The following GABRB3 variants were observed in gnomAD, a reference collection of about 807,000 sequenced individuals.
The protein encoded by GABRB3 is gamma-aminobutyric acid type A receptor subunit beta3.
A neutral mutation model predicts 52.1 loss-of-function variants in GABRB3; 14 were observed. The observed-to-expected ratio is 0.27, with a 90% confidence interval of 0.18 to 0.42. The LOEUF (loss-of-function observed/expected upper bound fraction) is 0.42. Ranked by LOEUF, GABRB3 falls within the 10% of genes least tolerant of loss-of-function variation. GABRB3 has a pLI of 1.00. For synonymous variants in GABRB3, 260 were observed against 232.3 expected, an observed-to-expected ratio of 1.12 and a Z score of -1.08; for missense variants, 307 against 609.1, an observed-to-expected ratio of 0.50 and a Z score of 5.22.
intron 3 of GABRB3, among the ~76,000 whole-genome samples, chr15:26,728,033 CTG>C (rs1411053385): frequency 6.6e-6 from 1 of 152,178 alleles, no homozygotes; most frequent in African/African-American, 2.4e-5. Context: ...GGTCAAAAGA[CTG>C]TTTTTCAAAG....
chr15:26,563,322 G>A (rs1890055083), intron 7 of GABRB3, among the ~76,000 whole-genome samples: 1 of 152,214 alleles, frequency 6.6e-6, no homozygotes, highest in East Asian at 1.9e-4. Flanking sequence ...ATTGGCACAG[G>A]CTCAGGAATC....
intron 7 of GABRB3, among the ~76,000 whole-genome samples, chr15:26,561,869 GT>G (rs1890001468): frequency 6.6e-6 from 1 of 152,200 alleles, no homozygotes; most frequent in African/African-American, 2.4e-5. Context: ...CTTAGGAAAT[GT>G]TTGCTCAAGT....
At chr15:26,711,994 AG>A (rs940261150) in intron 3 of GABRB3, among the ~76,000 whole-genome samples, 1 of 152,200 alleles carries the variant, frequency 6.6e-6, no homozygotes, top group Admixed American at 6.5e-5. Context: ...GCAGATCACG[AG>A]CAGAGCAGGC....
At chr15:26,734,881 A>C (rs1595558326) in intron 3 of GABRB3, among the ~76,000 whole-genome samples, 1 of 152,138 alleles carries the variant, frequency 6.6e-6, no homozygotes, top group Non-Finnish European at 1.5e-5. Context: ...GTGCCACTGC[A>C]CTCCAGCCTG....
chr15:26,580,243 C>T, intron 6 of GABRB3, 76 bp downstream of exon 6: 16 of 1,556,282 alleles, frequency 1.0e-5, no homozygotes, highest in Non-Finnish European at 1.3e-5. Context: ...GAGTCTATGG[C>T]AGCACATTTT....
intron 8 of GABRB3, among the ~76,000 whole-genome samples, chr15:26,551,908 G>A (rs978886659): frequency 6.6e-6 from 1 of 152,158 alleles, no homozygotes. Context: ...GGGGAGGTGA[G>A]GAGGGCATTT....
intron 3 of GABRB3, chr15:26,642,648 T>C: frequency 6.2e-6 from 3 of 481,538 alleles, no homozygotes; most frequent in Non-Finnish European, 1.2e-5. Flanking sequence ...TAAGCATATA[T>C]GTAAGTGTAC....
intron 3 of GABRB3, chr15:26,625,099 CGGGATAGTGGAACTTGAA>C (rs1197387991): frequency 2.0e-5 from 7 of 354,186 alleles, no homozygotes; most frequent in African/African-American, 1.5e-4. Context: ...ACTAGTAACC[CGGGATAGTGGAACTTGAA>C]GTTCGGGCCA....
rs543365862 is a variant in GABRB3, at chr15:26,738,181, C to A, written c.240+34221G>T. ...CACTGCAACCTCCACCTCCCCAGTT[C>A]CAGCAATTCTCCTGCCTCAGCCTCC... is the stretch of plus-strand genomic sequence containing the variant. On this transcript the variant is annotated intron_variant, in intron 3 of 8. Coordinates refer to ENST00000311550, the MANE Select transcript of GABRB3 (RefSeq NM_000814.6). 3.9e-5 allele frequency among the ~76,000 whole-genome samples: 6 copies of A among 152,264 alleles called. No individual in the cohort carries two copies. In the South Asian group the frequency reaches 1.2e-3, roughly 32 times the overall value.
At chr15:26,625,064 A>G (rs901772434) in intron 3 of GABRB3, 4 of 633,818 alleles carry the variant, frequency 6.3e-6, no homozygotes, top group Non-Finnish European at 7.9e-6. Context: ...CTCGCTCCTC[A>G]TCCACTCCCT....
intron 3 of GABRB3, among the ~76,000 whole-genome samples, chr15:26,733,873 T>C (rs935770350): frequency 3.9e-5 from 6 of 152,250 alleles, no homozygotes; most frequent in South Asian, 2.1e-4. Flanking sequence ...GACTGTTCAA[T>C]AGGGAAAGGA....
At chr15:26,590,590 G>A (rs1057501699) in intron 4 of GABRB3, among the ~76,000 whole-genome samples, 2 of 152,192 alleles carry the variant, frequency 1.3e-5, no homozygotes, top group Middle Eastern at 3.2e-3. Context: ...GCAAATGCTT[G>A]TTATTCAATG....
intron 4 of GABRB3, among the ~76,000 whole-genome samples, chr15:26,602,004 C>T (rs577147641): frequency 6.6e-6 from 1 of 152,100 alleles, no homozygotes; most frequent in East Asian, 1.9e-4. Flanking sequence ...TGATCTATTG[C>T]CTGCAAGAAA....
chr15:26,688,358 T>G (rs1203794232), intron 3 of GABRB3, among the ~76,000 whole-genome samples: 3 of 152,132 alleles, frequency 2.0e-5, no homozygotes, highest in African/African-American at 7.2e-5. Context: ...AGCCAGCCCT[T>G]CCCACTCTAA....
intron 4 of GABRB3, among the ~76,000 whole-genome samples, chr15:26,600,897 A>G (rs976973047): frequency 6.6e-6 from 1 of 152,216 alleles, no homozygotes; most frequent in Non-Finnish European, 1.5e-5. Flanking sequence ...TAACAAAACT[A>G]TTAACAACAA....
chr15:26,572,051 A>G (rs778819861), intron 6 of GABRB3, among the ~76,000 whole-genome samples: 6,185 of 148,220 alleles, frequency 0.042, 262 homozygotes, highest in African/African-American at 0.15. Context: ...TCTCAAGAAA[A>G]AAAAAAAAAA....
chr15:26,633,162 A>C (rs1892954885), intron 3 of GABRB3, among the ~76,000 whole-genome samples: 1 of 152,168 alleles, frequency 6.6e-6, no homozygotes, highest in Non-Finnish European at 1.5e-5. Flanking sequence ...TCAATATCCA[A>C]ATGCAATACA....
intron 3 of GABRB3, among the ~76,000 whole-genome samples, chr15:26,626,466 T>C (rs112320471): frequency 0.011 from 1,686 of 152,286 alleles, 29 homozygotes; most frequent in African/African-American, 0.038. Context: ...GGTCAAATGA[T>C]TGATGTGCAA....
chr15:26,763,796 G>C (rs960851431), intron 3 of GABRB3, among the ~76,000 whole-genome samples: 1 of 151,978 alleles, frequency 6.6e-6, no homozygotes. Flanking sequence ...CACAGTCAGG[G>C]TTATATCATT....
Sources: allele counts gnomAD v4.1 joint callset (sites outside exome capture counted in the v4.1 genomes callset), GRCh38; gene constraint gnomAD v4.1.1; transcripts MANE v1.5; gene names NCBI Gene and HGNC (gene_info 2026-07-23, HGNC 2026-07-21).